The following PNP variants were observed in gnomAD, a reference collection of about 807,000 sequenced individuals.
PNP encodes HEL-S-156an.
A neutral mutation model predicts 26.8 loss-of-function variants in PNP; 18 were observed. The observed-to-expected ratio is 0.67, with a 90% CI of 0.46 to 1.00. PNP has a LOEUF of 1.00. Among genes scored for constraint, PNP ranks in the 50% least tolerant of loss-of-function variants. The pLI is 0.00. For missense variants in PNP, 320 were observed against 362.9 expected (o/e 0.88, Z 0.96); for synonymous variants, 116 against 124.8 (o/e 0.93, Z 0.47).
chr14:20,472,312 A>G lies in PNP; in HGVS notation c.16A>G (p.Thr6Ala), dbSNP rs763321970. The part of the protein sequence containing the change: MENGY[T>A]YEDYKNTAEW... ...TTGATATTTTTTCTCCCCCAGATAC[A>G]CCTATGAAGATTATAAGAACACTGC... The change falls in exon 2 of 6, where the codon ACC becomes GCC. Residue 6 changes from threonine to alanine, a missense_variant. Coordinates refer to ENST00000361505, the MANE Select transcript of PNP (RefSeq NM_000270.4). The G allele has an allele frequency of 1.2e-6, 2 of 1,613,400 alleles. No homozygotes were observed. Among genetic ancestry groups the G allele is most frequent in the Non-Finnish European group, 8.5e-7 (1 of 1,179,394 alleles).
intron 2 of PNP, 87 bp downstream of exon 2, chr14:20,472,564 C>A (rs1882011348): frequency 1.6e-6 from 2 of 1,236,118 alleles, no homozygotes; most frequent in African/African-American, 3.0e-5. Context: ...TGTTTCTACT[C>A]CTTGACCTAG....
chr14:20,476,244 T>TTACAGGTGTGAACC, intron 5 of PNP, 140 bp from the exon 6 acceptor site: 2 of 748,038 alleles, frequency 2.7e-6, no homozygotes, highest in Non-Finnish European at 2.4e-6. Context: ...TGTACTGGGA[T>TTACAGGTGTGAACC]TACAGGTGTG....
At chr14:20,474,741 T>C (rs1705077615) in intron 3 of PNP, 32 bp from the exon 4 acceptor site, 2 of 1,610,488 alleles carry the variant, frequency 1.2e-6, no homozygotes, top group Middle Eastern at 1.7e-4. Flanking sequence ...AATGAAATTT[T>C]GTAAATTTTT....
Position 20,475,170 on chromosome 14 carries a change from C to T in PNP, c.570C>T (p.Gly190=). The T allele has an allele frequency of 6.2e-7, 1 of 1,614,170 alleles. No individual in the cohort carries two copies. The highest frequency in any genetic ancestry group is 1.1e-5 in the South Asian group (1 of 91,080). Residue 190 remains glycine (G), a synonymous_variant, in exon 5 of 6, where the codon GGC becomes GGT. Coordinates refer to ENST00000361505, the MANE Select transcript of PNP (RefSeq NM_000270.4). ...GGGAGCAACGTGAGCTACAGGAAGG[C>T]ACCTATGTGATGGTGGCAGGCCCCA... ...QMGEQRELQE[G]TYVMVAGPSF... is the part of the protein sequence containing the mutation.
At chr14:20,471,175 G>C (rs1713429) in intron 1 of PNP, among the ~76,000 whole-genome samples, 40,953 of 148,494 alleles carry the variant, frequency 0.28, 5,844 homozygotes, top group African/African-American at 0.35. Context: ...GGACTACAGG[G>C]GCCCGCCACC....
intron 3 of PNP, 52 bp from the exon 4 acceptor site, chr14:20,474,721 T>C: frequency 1.5e-5 from 24 of 1,590,642 alleles, no homozygotes; most frequent in Non-Finnish European, 2.1e-5. Context: ...CATTTCAGTG[T>C]AGCTGAATTA....
At chr14:20,472,523 G>A in intron 2 of PNP, 46 bp downstream of exon 2, 2 of 1,564,564 alleles carry the variant, frequency 1.3e-6, no homozygotes, top group Non-Finnish European at 1.8e-6. Flanking sequence ...GATGTTCTTG[G>A]AATTCTGTGG....
In PNP at chr14:20,474,831, A is replaced by G. The variant is rs1378572549; in HGVS notation, c.344A>G (p.Asn115Ser). ...LLGVDTLVVT[N>S]AAGGLNPKFE... is the part of the protein sequence containing the mutation. Reference sequence around the variant, plus strand: ...GGTGTGGACACCCTGGTAGTCACCAATGCAGCAGGAGGGCTGAACCCCAAG... The same window carrying G: ...GGTGTGGACACCCTGGTAGTCACCAGTGCAGCAGGAGGGCTGAACCCCAAG... Residue 115 changes from asparagine (N) to serine (S), a missense_variant, in exon 4 of 6, where the codon AAT (asparagine) becomes AGT (serine). Coordinates refer to ENST00000361505, the MANE Select transcript of PNP (RefSeq NM_000270.4). The G allele has an allele frequency of 1.2e-6, 2 of 1,614,204 alleles. No individual in the cohort carries two copies. The highest frequency in any genetic ancestry group is 1.1e-5 in the South Asian group (1 of 91,086).
At position 20,472,164 on chromosome 14, in the gene PNP, G is replaced by A. The variant is rs529832523; in HGVS notation, c.12-144G>A. On this transcript the variant is annotated intron_variant, in intron 1 of 5. Transcript: ENST00000361505. The stretch of plus-strand genomic sequence containing the variant: ...GAAGGGTGGCTGAGTAGATGGAAGA[G>A]CATAGTATGGCCTTTCCCTCTGTGC... 5.6e-5 allele frequency: 42 copies of A among 751,378 alleles called. No individual in the cohort carries two copies. The East Asian group carries it at 9.7e-4, about 17-fold the overall frequency. 46.5% of individuals were successfully genotyped at this position (751,378 alleles called of 1,614,324 possible).
At chr14:20,475,784 C>G (rs532852280) in intron 5 of PNP, among the ~76,000 whole-genome samples, 1 of 152,224 alleles carries the variant, frequency 6.6e-6, no homozygotes, top group South Asian at 2.1e-4. Context: ...CTGTGCCTGG[C>G]CAATGTGATG....
chr14:20,473,118 C>T (rs562437036), intron 2 of PNP: 19 of 151,506 alleles, frequency 1.3e-4, no homozygotes, highest in African/African-American at 4.6e-4. Context: ...ACTTGGGTTT[C>T]CTTTGTCAAC....
chr14:20,476,755 C>A lies in PNP; in HGVS notation c.*154C>A, dbSNP rs940627229. 2 of 699,058 alleles carry A rather than the reference C, an allele frequency of 2.9e-6. No homozygotes were observed. Among genetic ancestry groups the A allele is most frequent in the Non-Finnish European group, 5.2e-6 (2 of 386,946 alleles). The allele number at this position is 699,058 out of a possible 1,614,324, so 43.3% of individuals were successfully genotyped here. A position where few individuals can be genotyped will look rare whatever the true frequency, so the allele number is the denominator to read the frequency against. On this transcript the variant is annotated 3_prime_UTR_variant, in exon 6 of 6. Coordinates refer to ENST00000361505, the MANE Select transcript of PNP (RefSeq NM_000270.4). ...CCTTTCCCACTTTCTTCTACCAGAC[C>A]CTTCTGGTGCCAGATCCTCTTCTCA...
At position 20,474,811 on chromosome 14, in the gene PNP, G is replaced by A. The variant is rs1279017414; in HGVS notation, c.324G>A (p.Val108=). Residue 108 remains valine, a synonymous_variant, in exon 4 of 6, where the codon GTG becomes GTA. Transcript: ENST00000361505. ...TGAGGGTTTTCCACCTTCTGGGTGTGGACACCCTGGTAGTCACCAATGCAG... is the reference window on the plus strand; with the variant it reads ...TGAGGGTTTTCCACCTTCTGGGTGTAGACACCCTGGTAGTCACCAATGCAG... ...FPVRVFHLLG[V]DTLVVTNAAG... 2 of 1,614,152 alleles carry A rather than the reference G, an allele frequency of 1.2e-6. No individual in the cohort carries two copies. Among genetic ancestry groups the A allele is most frequent in the East Asian group, 2.2e-5 (1 of 44,884 alleles).
Position 20,469,462 on chromosome 14 carries a change from G to T in PNP, c.-63G>T, listed in dbSNP as rs1056366137. On this transcript the variant is annotated 5_prime_UTR_variant, in exon 1 of 6. Transcript: ENST00000361505. ...CAGTTCAGCATAGCGGAGCGGATCC[G>T]ATCGGATCGGAGCGGATCGGAGCAC... The T allele has an allele frequency of 6.5e-6, 10 of 1,548,494 alleles. No individual in the cohort carries two copies. The highest frequency in any genetic ancestry group is 8.7e-6 in the Non-Finnish European group (10 of 1,145,788).
In PNP at chr14:20,475,092, T is replaced by C. The variant is rs759699687; in HGVS notation, c.492T>C (p.Asp164=). The part of the protein sequence containing the change: ...RFGDRFPAMS[D]AYDRTMRQRA... The stretch of plus-strand genomic sequence containing the variant: ...GAGATCGTTTCCCTGCCATGTCTGA[T>C]GCCTACGACCGGACTATGAGGCAGA... Residue 164 remains aspartate (D), a synonymous_variant, in exon 5 of 6, where the codon GAT becomes GAC. Transcript: ENST00000361505. 1.2e-6 allele frequency: 2 copies of C among 1,614,122 alleles called. No individual in the cohort carries two copies. Among genetic ancestry groups the C allele is most frequent in the Non-Finnish European group, 8.5e-7 (1 of 1,180,060 alleles).
At chr14:20,474,382 G>A in intron 2 of PNP, 90 bp from the exon 3 acceptor site, 1 of 1,068,150 alleles carries the variant, frequency 9.4e-7, no homozygotes, top group Non-Finnish European at 1.4e-6. Flanking sequence ...AACATTTTGA[G>A]CAGAGCGAGT....
chr14:20,476,796 G>T lies in PNP; in HGVS notation c.*195G>T. ...CCTCTTCTCAAAGCTGGGATTACAG[G>T]TGTGAGCATAGTGAGACCTTGGCGC... On this transcript the variant is annotated 3_prime_UTR_variant, in exon 6 of 6. Coordinates refer to ENST00000361505, the MANE Select transcript of PNP (RefSeq NM_000270.4). 1.6e-6 allele frequency: 1 copy of T among 641,254 alleles called. No individual in the cohort carries two copies. The highest frequency in any genetic ancestry group is 2.8e-6 in the Non-Finnish European group (1 of 355,560). The allele number at this position is 641,254 out of a possible 1,614,324, so 39.7% of individuals were successfully genotyped here.
chr14:20,469,905 C>T (rs546121818), intron 1 of PNP: 2 of 421,418 alleles, frequency 4.7e-6, no homozygotes, highest in Non-Finnish European at 8.8e-6. Flanking sequence ...CTCCTCACCC[C>T]CTGCGCTCTT....
intron 1 of PNP, among the ~76,000 whole-genome samples, chr14:20,470,045 G>A (rs1441944010): frequency 1.3e-5 from 2 of 152,172 alleles, no homozygotes; most frequent in Non-Finnish European, 1.5e-5. Context: ...CTTCCAGACT[G>A]GCAGTATGAT....
Sources: allele counts gnomAD v4.1 joint callset (sites outside exome capture counted in the v4.1 genomes callset), GRCh38; gene constraint gnomAD v4.1.1; transcripts MANE v1.5; gene names NCBI Gene and HGNC (gene_info 2026-07-23, HGNC 2026-07-21).